Variants in ADAMTSL1 observed in about 807,000 individuals in gnomAD.
The protein encoded by ADAMTSL1 is ADAMTS like 1.
In ADAMTSL1, 126 loss-of-function variants were observed where a neutral mutation model predicts 201.8. That is an observed-to-expected ratio of 0.62 (90% CI 0.54 to 0.72). The LOEUF is 0.72. ADAMTSL1 is among the 30% of genes least tolerant of loss of function. The pLI, the probability that ADAMTSL1 is intolerant of heterozygous loss-of-function variation, is 0.00. For synonymous variants in ADAMTSL1, 1,121 were observed against 903.4 expected (o/e 1.24, Z -4.32); for missense variants, 2,679 against 2,277.8 (o/e 1.18, Z -3.59).
At chr9:18,832,733 A>C (rs1825066375) in intron 23 of ADAMTSL1, among the ~76,000 whole-genome samples, 1 of 152,170 alleles carries the variant, frequency 6.6e-6, no homozygotes. Context: ...GCCTGGTGGT[A>C]GTTGATATAT....
chr9:18,763,257 A>G (rs545196131), intron 16 of ADAMTSL1, among the ~76,000 whole-genome samples: 7 of 152,294 alleles, frequency 4.6e-5, no homozygotes, highest in African/African-American at 1.4e-4. Flanking sequence ...TTTGATGATC[A>G]GTGATGCTGA....
intron 1 of ADAMTSL1, among the ~76,000 whole-genome samples, chr9:17,969,739 A>C (rs903272901): frequency 1.8e-4 from 28 of 152,090 alleles, no homozygotes; most frequent in African/African-American, 6.8e-4. Flanking sequence ...AGAGGATCTT[A>C]AATAAGTTGA....
intron 2 of ADAMTSL1, among the ~76,000 whole-genome samples, chr9:18,321,288 A>C (rs1009795203): frequency 2.0e-5 from 3 of 152,226 alleles, no homozygotes; most frequent in African/African-American, 7.2e-5. Flanking sequence ...TTAGTAACAA[A>C]ATTTAACAAT....
At chr9:18,807,593 C>T (rs980024554) in intron 20 of ADAMTSL1, among the ~76,000 whole-genome samples, 13 of 149,798 alleles carry the variant, frequency 8.7e-5, no homozygotes, top group Non-Finnish European at 1.8e-4. Context: ...TTGCAGTGAG[C>T]CGAGATCGCA....
chr9:18,287,718 A>G (rs1051085689), intron 2 of ADAMTSL1, among the ~76,000 whole-genome samples: 14 of 149,440 alleles, frequency 9.4e-5, no homozygotes, highest in Non-Finnish European at 1.5e-4. Flanking sequence ...ATTTACATAT[A>G]TATGTGAGTA....
chr9:18,525,728 T>C (rs936977334), intron 2 of ADAMTSL1, among the ~76,000 whole-genome samples: 3 of 152,200 alleles, frequency 2.0e-5, no homozygotes, highest in Non-Finnish European at 4.4e-5. Flanking sequence ...GAGCAGGTTG[T>C]TCAGTTTCCA....
At chr9:18,088,425 A>G (rs958322402) in intron 1 of ADAMTSL1, among the ~76,000 whole-genome samples, 2 of 152,212 alleles carry the variant, frequency 1.3e-5, no homozygotes, top group African/African-American at 2.4e-5. Flanking sequence ...GAGCTTTTAG[A>G]CAGCAAAGGA....
chr9:18,833,267 T>C (rs1825106311), intron 23 of ADAMTSL1, among the ~76,000 whole-genome samples: 1 of 152,224 alleles, frequency 6.6e-6, no homozygotes, highest in South Asian at 2.1e-4. Context: ...CTTTAGGTCT[T>C]TGAGGAATTG....
At chr9:18,623,448 T>C (rs546486780) in intron 5 of ADAMTSL1, among the ~76,000 whole-genome samples, 2 of 152,276 alleles carry the variant, frequency 1.3e-5, no homozygotes, top group African/African-American at 4.8e-5. Context: ...CAGAGTCTGA[T>C]TCCAGAGCCT....
At chr9:18,183,387 A>G (rs1167722604) in intron 2 of ADAMTSL1, among the ~76,000 whole-genome samples, 3 of 152,226 alleles carry the variant, frequency 2.0e-5, no homozygotes, top group East Asian at 3.8e-4. Context: ...AGACTTCACT[A>G]TAACTAAAAA....
At chr9:18,830,049 G>T in intron 23 of ADAMTSL1, 72 bp downstream of exon 23, 1 of 1,531,120 alleles carries the variant, frequency 6.5e-7, no homozygotes. Context: ...GTGACTGTTT[G>T]CAGGTGGGAA....
chr9:18,671,992 G>A (rs1007644498), intron 9 of ADAMTSL1, among the ~76,000 whole-genome samples: 3 of 151,908 alleles, frequency 2.0e-5, no homozygotes, highest in African/African-American at 7.3e-5. Context: ...AGCCGAGATC[G>A]CACCTCTGCA....
chr9:18,567,179 A>T (rs960652542), intron 3 of ADAMTSL1, among the ~76,000 whole-genome samples: 3 of 152,140 alleles, frequency 2.0e-5, no homozygotes, highest in African/African-American at 7.2e-5. Context: ...AAAGTTTTTG[A>T]CTAGGCTGGG....
chr9:18,127,101 A>G (rs1429685949), intron 1 of ADAMTSL1, among the ~76,000 whole-genome samples: 1 of 152,150 alleles, frequency 6.6e-6, no homozygotes, highest in African/African-American at 2.4e-5. Flanking sequence ...CTCATTGTTA[A>G]TGGTGTGTGA....
intron 2 of ADAMTSL1, among the ~76,000 whole-genome samples, chr9:18,301,066 T>G (rs1296971092): frequency 1.3e-5 from 2 of 152,214 alleles, no homozygotes; most frequent in African/African-American, 4.8e-5. Flanking sequence ...ACTATTTATA[T>G]AGCCATAATA....
chr9:18,436,682 C>T (rs772503286), intron 2 of ADAMTSL1, among the ~76,000 whole-genome samples: 2 of 152,138 alleles, frequency 1.3e-5, no homozygotes, highest in Admixed American at 6.5e-5. Context: ...TTTTACTTTA[C>T]CTCTCTATGA....
chr9:18,423,535 A>C (rs758004778), intron 2 of ADAMTSL1, among the ~76,000 whole-genome samples: 2 of 152,202 alleles, frequency 1.3e-5, no homozygotes, highest in Non-Finnish European at 2.9e-5. Context: ...TTTCATGAGA[A>C]TCTTTTGGAG....
rs1349983313 is a variant in ADAMTSL1 at position 18,051,084 on chromosome 9, G to A, written c.88-112778G>A. On this transcript the variant is annotated intron_variant, in intron 1 of 29. Transcript: ENST00000680146. ...TGGGAGGCCAAGGCGGGCAGATCATGAGGTCAGGAGATGGAGACCATCCTG... is the reference window on the plus strand; with the variant it reads ...TGGGAGGCCAAGGCGGGCAGATCATAAGGTCAGGAGATGGAGACCATCCTG... 2.6e-5 allele frequency among the ~76,000 whole-genome samples: 4 copies of A among 152,184 alleles called. No homozygotes were observed. In the East Asian group the frequency reaches 5.8e-4, roughly 22 times the overall value.
At chr9:18,511,172 A>G (rs1817999658) in intron 2 of ADAMTSL1, among the ~76,000 whole-genome samples, 1 of 152,220 alleles carries the variant, frequency 6.6e-6, no homozygotes, top group Non-Finnish European at 1.5e-5. Context: ...GAACCTTTGC[A>G]CTGGTGACTA....
Sources: allele counts gnomAD v4.1 joint callset (sites outside exome capture counted in the v4.1 genomes callset), GRCh38; gene constraint gnomAD v4.1.1; transcripts MANE v1.5; gene names NCBI Gene and HGNC (gene_info 2026-07-23, HGNC 2026-07-21).